Variants in RAD9B observed in about 807,000 individuals in gnomAD.
The protein encoded by RAD9B is RAD9 checkpoint clamp component B.
RAD9B carries 41 observed loss-of-function variants against 48.3 expected under a neutral mutation model. The observed-to-expected ratio is 0.85, with a 90% CI of 0.66 to 1.10. The LOEUF is 1.10. RAD9B is among the 50% of genes least tolerant of loss of function. RAD9B has a pLI of 0.00. For missense variants in RAD9B, 444 were observed against 485.1 expected, an observed-to-expected ratio of 0.92 and a Z score of 0.80; for synonymous variants, 160 against 157.9, an observed-to-expected ratio of 1.01 and a Z score of -0.10.
Position 110,522,411 on chromosome 12 carries a change from G to A in RAD9B, c.1125G>A (p.Lys375=). 1 of 1,595,892 alleles carries A rather than the reference G, an allele frequency of 6.3e-7. No individual in the cohort carries two copies. The highest frequency in any genetic ancestry group is 8.6e-7 in the Non-Finnish European group (1 of 1,168,994). ...TGCCAGGGTCTCTGTGTCTCAGAAA[G>A]GTAAAAGCATTGAGATTCAACCACA... ...EEVPGSLCLR[K]FSCMFFGAVS... The change falls in exon 10 of 11, where the codon AAG becomes AAA. Residue 375 remains lysine (K), a splice_region_variant and synonymous_variant. Coordinates refer to ENST00000409300, the MANE Select transcript of RAD9B (RefSeq NM_001286535.2).
chr12:110,518,533 C>T (rs2063677834), intron 6 of RAD9B, 143 bp from the exon 7 acceptor site: 7 of 523,342 alleles, frequency 1.3e-5, no homozygotes, highest in Non-Finnish European at 3.4e-6. Context: ...TTAAAAATAG[C>T]ATGCAGATAT....
chr12:110,506,842 C>CT, intron 4 of RAD9B, 149 bp downstream of exon 4: 1 of 469,018 alleles, frequency 2.1e-6, no homozygotes, highest in Non-Finnish European at 3.8e-6. Context: ...GAAGTATTAT[C>CT]CTTTTTTTTT....
In RAD9B at chr12:110,530,626, G is replaced by C. The variant is rs775150692; in HGVS notation, c.1227G>C (p.Met409Ile). 5 of 1,613,962 alleles carry C rather than the reference G, an allele frequency of 3.1e-6. No individual in the cohort carries two copies. In the Admixed American group the frequency reaches 8.3e-5, roughly 27 times the overall value. Reference protein sequence around the residue: ...LARASDSEEDMNNGSFSIF With the variant: ...LARASDSEEDINNGSFSIF ...GAGCAAGTGACAGTGAAGAGGACATGAATAATGGCAGTTTCTCTATATTCT... is the reference window on the plus strand; with the variant it reads ...GAGCAAGTGACAGTGAAGAGGACATCAATAATGGCAGTTTCTCTATATTCT... The change falls in exon 11 of 11, where the codon ATG becomes ATC. Residue 409 changes from methionine to isoleucine, a missense_variant. By Grantham distance (10) the Met-to-Ile change is conservative. Coordinates refer to ENST00000409300, the MANE Select transcript of RAD9B (RefSeq NM_001286535.2).
At chr12:110,526,398 A>G (rs2135731193) in intron 10 of RAD9B, among the ~76,000 whole-genome samples, 1 of 152,270 alleles carries the variant, frequency 6.6e-6, no homozygotes, top group Non-Finnish European at 1.5e-5. Context: ...GAGGGTAGCA[A>G]ATAGCATTTA....
At position 110,532,290 on chromosome 12, in the gene RAD9B, ACT is replaced by A. The variant is rs571291465; in HGVS notation, c.*1640_*1641del. On this transcript the variant is annotated 3_prime_UTR_variant, in exon 11 of 11. Transcript: ENST00000409300. ...CAGGGAGCTTTTATACACAAAAGTA[ACT>A]CTGTAGGTCTCTTTGCTGAGGATAA... Among the ~76,000 whole-genome samples the A allele has an allele frequency of 3.1e-3, 477 of 152,326 alleles. 2 individuals are homozygous for A. The highest frequency in any genetic ancestry group is 0.011 in the African/African-American group (444 of 41,576).
chr12:110,532,530 A>G lies in RAD9B; in HGVS notation c.*1877A>G, dbSNP rs1195374177. On this transcript the variant is annotated 3_prime_UTR_variant, in exon 11 of 11. Coordinates refer to ENST00000409300, the MANE Select transcript of RAD9B (RefSeq NM_001286535.2). ...AGACTAGCCTGGGCAACATGGTGAGATCCCATCTCTACAAAAATTAGCTGG... is the reference window on the plus strand; with the variant it reads ...AGACTAGCCTGGGCAACATGGTGAGGTCCCATCTCTACAAAAATTAGCTGG... 6.6e-6 allele frequency among the ~76,000 whole-genome samples: 1 copy of G among 152,204 alleles called. No individual in the cohort carries two copies. The highest frequency in any genetic ancestry group is 2.4e-5 in the African/African-American group (1 of 41,454).
chr12:110,507,014 A>G (rs865918446), intron 4 of RAD9B, among the ~76,000 whole-genome samples: 1 of 151,724 alleles, frequency 6.6e-6, no homozygotes, highest in African/African-American at 2.4e-5. Context: ...TAATTTTTGT[A>G]TTTTTAGTAG....
In RAD9B at chr12:110,532,325, G is replaced by A. The variant is rs909209131; in HGVS notation, c.*1672G>A. Among the ~76,000 whole-genome samples the A allele has an allele frequency of 1.9e-4, 29 of 152,182 alleles. No homozygotes were observed. Among genetic ancestry groups the A allele is most frequent in the African/African-American group, 7.0e-4 (29 of 41,442 alleles). On this transcript the variant is annotated 3_prime_UTR_variant, in exon 11 of 11. Coordinates refer to ENST00000409300, the MANE Select transcript of RAD9B (RefSeq NM_001286535.2). ...TCTCTTTGCTGAGGATAACATTTCT[G>A]GTTCATTCATTGAAGTAGGCAGAGG...
chr12:110,521,617 C>T (rs955295092), intron 9 of RAD9B, among the ~76,000 whole-genome samples: 30 of 143,746 alleles, frequency 2.1e-4, no homozygotes, highest in East Asian at 4.1e-4. Context: ...AGTGCAGTGG[C>T]GCCATCTCAG....
intron 2 of RAD9B, 57 bp from the exon 3 acceptor site, chr12:110,505,560 T>A: frequency 7.0e-7 from 1 of 1,437,624 alleles, no homozygotes; most frequent in African/African-American, 1.4e-5. Flanking sequence ...GGATTACAGG[T>A]TCATGGGAGC....
chr12:110,524,576 T>C (rs1391991926), intron 10 of RAD9B, among the ~76,000 whole-genome samples: 1 of 150,722 alleles, frequency 6.6e-6, no homozygotes, highest in Non-Finnish European at 1.5e-5. Context: ...AGAAAAAAAT[T>C]ATTGTTGTTA....
intron 10 of RAD9B, 51 bp from the exon 11 acceptor site, chr12:110,530,474 G>A: frequency 6.3e-7 from 1 of 1,589,134 alleles, no homozygotes; most frequent in Non-Finnish European, 8.6e-7. Context: ...AGCATTTAAT[G>A]AGCAAACTTT....
chr12:110,507,506 A>T (rs1260318758), intron 4 of RAD9B, among the ~76,000 whole-genome samples: 1 of 24,852 alleles, frequency 4.0e-5, no homozygotes, highest in Admixed American at 4.2e-4. Flanking sequence ...ATATGTATTA[A>T]ATATAATACA....
intron 6 of RAD9B, among the ~76,000 whole-genome samples, chr12:110,517,318 G>C (rs1457139904): frequency 6.6e-6 from 1 of 151,936 alleles, no homozygotes; most frequent in Non-Finnish European, 1.5e-5. Flanking sequence ...AACAGAGTGA[G>C]ACCCAGTCTC....
At position 110,505,704 on chromosome 12, in the gene RAD9B, G is replaced by C. The variant is rs1347953965; in HGVS notation, c.205G>C (p.Ala69Pro). The change falls in exon 3 of 11, where the codon GCT becomes CCT. Residue 69 changes from alanine to proline, a missense_variant. Coordinates refer to ENST00000409300, the MANE Select transcript of RAD9B (RefSeq NM_001286535.2). The stretch of plus-strand genomic sequence containing the variant: ...GTTTTTTCAGCATTATCAATGGTCA[G>C]CTTTAGTGAAAATGAGTGAAAATGA... ...PVFFQHYQWS[A>P]LVKMSENELD... 9 of 1,606,678 alleles carry C rather than the reference G, an allele frequency of 5.6e-6. No individual in the cohort carries two copies. Among genetic ancestry groups the C allele is most frequent in the Non-Finnish European group, 7.7e-6 (9 of 1,176,244 alleles).
chr12:110,531,339 C>T lies in RAD9B; in HGVS notation c.*686C>T, dbSNP rs2064131105. The T allele has an allele frequency of 2.7e-5, 11 of 401,704 alleles. No homozygotes were observed. Among genetic ancestry groups the T allele is most frequent in the Admixed American group, 1.5e-4 (3 of 20,664 alleles). 24.9% of individuals were successfully genotyped at this position (401,704 alleles called of 1,614,324 possible). On this transcript the variant is annotated 3_prime_UTR_variant, in exon 11 of 11. Coordinates refer to ENST00000409300, the MANE Select transcript of RAD9B (RefSeq NM_001286535.2). ...TCCCGTGCAGCTGGGATTGCAGGTG[C>T]GTGCCACCATGCCTGGCTAATTTCT... is the stretch of plus-strand genomic sequence containing the variant.
rs1013990404 is a variant in RAD9B, at chr12:110,532,469, G to A, written c.*1816G>A. On this transcript the variant is annotated 3_prime_UTR_variant, in exon 11 of 11. Transcript: ENST00000409300. ...GCCTGTAATCCCAGCACTTTGGGAGGCCCAGGTGGGCGGATCAGTTGAGCC... is the reference window on the plus strand; with the variant it reads ...GCCTGTAATCCCAGCACTTTGGGAGACCCAGGTGGGCGGATCAGTTGAGCC... Among the ~76,000 whole-genome samples, 3 of 152,218 alleles carry A rather than the reference G, an allele frequency of 2.0e-5. No homozygotes were observed. Among genetic ancestry groups the A allele is most frequent in the Non-Finnish European group, 4.4e-5 (3 of 68,040 alleles).
Position 110,530,774 on chromosome 12 carries a change from G to C in RAD9B, c.*121G>C, listed in dbSNP as rs2064116394. ...CAGGACTTCCTTTTAATGGAGGATG[G>C]GCTTTTAAACCACATCATCTTGTAC... is the stretch of plus-strand genomic sequence containing the variant. On this transcript the variant is annotated 3_prime_UTR_variant, in exon 11 of 11. Coordinates refer to ENST00000409300, the MANE Select transcript of RAD9B (RefSeq NM_001286535.2). The C allele has an allele frequency of 6.7e-7, 1 of 1,501,706 alleles. No homozygotes were observed. Among genetic ancestry groups the C allele is most frequent in the African/African-American group, 1.4e-5 (1 of 71,758 alleles). The allele number at this position is 1,501,706 out of a possible 1,614,324, so 93.0% of individuals were successfully genotyped here. A position where few individuals can be genotyped will look rare whatever the true frequency, so the allele number is the denominator to read the frequency against.
At position 110,522,267 on chromosome 12, in the gene RAD9B, T is replaced by A. The variant is rs754421208; in HGVS notation, c.981T>A (p.Tyr327Ter). 1 of 1,612,974 alleles carries A rather than the reference T, an allele frequency of 6.2e-7. No individual in the cohort carries two copies. The highest frequency in any genetic ancestry group is 8.5e-7 in the Non-Finnish European group (1 of 1,179,528). ...AAAAAGCAGCACCAAGAAGGCTTTATCCTAAGGAGACTCTCACAAACATAT... is the reference window on the plus strand; with the variant it reads ...AAAAAGCAGCACCAAGAAGGCTTTAACCTAAGGAGACTCTCACAAACATAT... ...ISKKAAPRRLYPKETLTNISA... is the reference protein window; with the variant it reads ...ISKKAAPRRL The change falls in exon 10 of 11, where the codon TAT (tyrosine) becomes TAA (stop). Residue 327 changes from tyrosine to a stop codon, truncating the protein, a stop_gained. Transcript: ENST00000409300. LOFTEE classifies it high-confidence loss of function.
Sources: gnomAD v4.1 joint callset for allele counts (sites outside exome capture counted in the v4.1 genomes callset) on GRCh38, gnomAD v4.1.1 for gene constraint, MANE v1.5 for transcripts, NCBI Gene and HGNC (gene_info 2026-07-23, HGNC 2026-07-21) for gene names.